The following ASIC2 variants were observed in gnomAD, a reference collection of about 807,000 sequenced individuals.
ASIC2 encodes acid sensing ion channel subunit 2.
A neutral mutation model predicts 57.3 loss-of-function variants in ASIC2; 25 were observed. That is an observed-to-expected ratio of 0.44 (90% CI 0.32 to 0.61). The LOEUF is 0.61. ASIC2 is among the 20% of genes least tolerant of loss of function. The pLI is 0.06. For missense variants in ASIC2, 641 were observed against 738.1 expected (o/e 0.87, Z 1.52); for synonymous variants, 319 against 307.5 (o/e 1.04, Z -0.39).
chr17:33,367,711 C>CTT (rs1908870798), intron 1 of ASIC2, among the ~76,000 whole-genome samples: 3 of 152,140 alleles, frequency 2.0e-5, no homozygotes, highest in Non-Finnish European at 2.9e-5. Flanking sequence ...TTAGTAAAAA[C>CTT]TCAGGGCAAT....
intron 1 of ASIC2, among the ~76,000 whole-genome samples, chr17:33,832,292 C>T (rs1390955933): frequency 6.6e-6 from 1 of 152,230 alleles, no homozygotes; most frequent in East Asian, 1.9e-4. Flanking sequence ...CAATTCCTGA[C>T]TTCTCACATC....
At chr17:34,078,777 A>G (rs1003838) in intron 1 of ASIC2, 30,274 of 152,020 alleles carry the variant, frequency 0.2, 4,006 homozygotes, top group African/African-American at 0.38. Context: ...GGCCAAAGGC[A>G]CCCCTCCTCC....
rs1053274350 is a variant in ASIC2, at chr17:33,848,741, G to A, written c.555+307237C>T. ...GAATGGAGAGGTACCTGGAAGGCAG[G>A]CAGGCTTCACTCCAGGGGCTGACGG... On this transcript the variant is annotated intron_variant, in intron 1 of 9. Coordinates refer to the ASIC2 transcript ENST00000359872. Among the ~76,000 whole-genome samples, 3 of 152,176 alleles carry A rather than the reference G, an allele frequency of 2.0e-5. No individual in the cohort carries two copies. In the South Asian group the frequency reaches 6.2e-4, roughly 32 times the overall value.
intron 7 of ASIC2, among the ~76,000 whole-genome samples, chr17:33,019,119 A>T (rs1393835091): frequency 6.6e-6 from 1 of 152,006 alleles, no homozygotes. Flanking sequence ...ATGGATATGT[A>T]TGTCGGGGGA....
intron 1 of ASIC2, among the ~76,000 whole-genome samples, chr17:33,895,923 C>A (rs1423398250): frequency 6.6e-6 from 1 of 152,170 alleles, no homozygotes; most frequent in Non-Finnish European, 1.5e-5. Context: ...ATACACTTAA[C>A]TTATTTGAGT....
chr17:33,049,121 C>G (rs1223833212), intron 3 of ASIC2, among the ~76,000 whole-genome samples: 2 of 152,206 alleles, frequency 1.3e-5, no homozygotes, highest in Non-Finnish European at 2.9e-5. Context: ...TAATTCTCAG[C>G]TGTCCCTTTG....
At chr17:34,040,660 A>G (rs1408613423) in intron 1 of ASIC2, among the ~76,000 whole-genome samples, 1 of 152,132 alleles carries the variant, frequency 6.6e-6, no homozygotes, top group East Asian at 1.9e-4. Context: ...TCTTCATTGC[A>G]TGGTGCTGCA....
chr17:33,073,110 G>T (rs545742843), intron 3 of ASIC2, among the ~76,000 whole-genome samples: 1 of 152,224 alleles, frequency 6.6e-6, no homozygotes, highest in Middle Eastern at 3.2e-3. Context: ...CTGGTAGTTG[G>T]GGGGAGGGAA....
chr17:34,075,966 T>A (rs1338145719), intron 1 of ASIC2, among the ~76,000 whole-genome samples: 1 of 151,548 alleles, frequency 6.6e-6, no homozygotes, highest in Non-Finnish European at 1.5e-5. Context: ...GTAGCTGGGA[T>A]TACAGGTGTG....
chr17:33,185,635 A>G (rs748637715), intron 1 of ASIC2, among the ~76,000 whole-genome samples: 11 of 152,182 alleles, frequency 7.2e-5, no homozygotes, highest in Non-Finnish European at 1.3e-4. Context: ...CCAAAAAGCT[A>G]GAATTCACAA....
chr17:34,031,612 G>GA (rs1404081895), intron 1 of ASIC2, among the ~76,000 whole-genome samples: 3 of 151,812 alleles, frequency 2.0e-5, no homozygotes, highest in South Asian at 4.2e-4. Flanking sequence ...TAAAAGCTTT[G>GA]AAAAAAAATT....
intron 1 of ASIC2, among the ~76,000 whole-genome samples, chr17:33,908,721 A>G (rs1915400186): frequency 6.6e-6 from 1 of 152,242 alleles, no homozygotes; most frequent in Non-Finnish European, 1.5e-5. Flanking sequence ...CATTTCACAG[A>G]TTAAATAACT....
intron 1 of ASIC2, among the ~76,000 whole-genome samples, chr17:33,811,426 C>T (rs1425208001): frequency 2.0e-5 from 3 of 152,236 alleles, no homozygotes; most frequent in Non-Finnish European, 2.9e-5. Context: ...ATGTGCTGGA[C>T]ACCATGTGAA....
intron 1 of ASIC2, among the ~76,000 whole-genome samples, chr17:33,835,069 A>G (rs1326097988): frequency 6.6e-6 from 1 of 152,222 alleles, no homozygotes; most frequent in African/African-American, 2.4e-5. Context: ...TGTGATCTGC[A>G]TTCTCATGGA....
At chr17:33,333,558 G>A (rs1180491559) in intron 1 of ASIC2, among the ~76,000 whole-genome samples, 1 of 152,186 alleles carries the variant, frequency 6.6e-6, no homozygotes, top group Non-Finnish European at 1.5e-5. Context: ...GGAGTTTAAA[G>A]TAGTTATCTT....
intron 1 of ASIC2, among the ~76,000 whole-genome samples, chr17:33,326,911 A>G (rs928076436): frequency 3.3e-5 from 5 of 152,032 alleles, no homozygotes; most frequent in Admixed American, 6.6e-5. Flanking sequence ...CATCACAATA[A>G]CCTTTAAATG....
rs138000418 is a variant in ASIC2, at chr17:33,654,811, T to C, written c.555+501167A>G. On this transcript the variant is annotated intron_variant, in intron 1 of 9. Coordinates refer to the ASIC2 transcript ENST00000359872. Reference sequence around the variant, plus strand: ...GCTCTACAGGATGCTAAGCCAGCCATAGAATGAGTTTTTCTTGGTCAAAAA... The same window carrying C: ...GCTCTACAGGATGCTAAGCCAGCCACAGAATGAGTTTTTCTTGGTCAAAAA... 2.4e-4 allele frequency among the ~76,000 whole-genome samples: 37 copies of C among 152,240 alleles called. No homozygotes were observed. In the East Asian group the frequency reaches 7.2e-3, roughly 29 times the overall value.
At chr17:34,032,623 A>C (rs575793256) in intron 1 of ASIC2, among the ~76,000 whole-genome samples, 18 of 152,340 alleles carry the variant, frequency 1.2e-4, no homozygotes, top group African/African-American at 3.6e-4. Context: ...AACCCATCTC[A>C]CATGCAGAGA....
chr17:33,262,294 G>C (rs559557745), intron 1 of ASIC2, among the ~76,000 whole-genome samples: 129 of 150,574 alleles, frequency 8.6e-4, no homozygotes, highest in Non-Finnish European at 1.5e-3. Context: ...ACAGGAGGGA[G>C]AGAAAATAGG....
Sources: gnomAD v4.1 joint callset for allele counts (sites outside exome capture counted in the v4.1 genomes callset) on GRCh38, gnomAD v4.1.1 for gene constraint, MANE v1.5 for transcripts, NCBI Gene and HGNC (gene_info 2026-07-23, HGNC 2026-07-21) for gene names.